The following CTNNA2 variants were observed in gnomAD, a reference collection of about 807,000 sequenced individuals.
CTNNA2 encodes catenin alpha 2.
A neutral mutation model predicts 101.0 loss-of-function variants in CTNNA2; 42 were observed. That is an observed-to-expected ratio of 0.42 (90% CI 0.32 to 0.54). The LOEUF (loss-of-function observed/expected upper bound fraction) is 0.54. CTNNA2 is among the 20% of genes least tolerant of loss of function. The probability of loss-of-function intolerance (pLI) is 0.14; values close to 1 mark genes in which losing one functional copy is unlikely to be tolerated. For missense variants in CTNNA2, 871 were observed against 1,223.1 expected (o/e 0.71, Z 4.29); for synonymous variants, 450 against 456.4 (o/e 0.99, Z 0.18).
At chr2:80,609,335 A>G (rs984066386) in intron 17 of CTNNA2, among the ~76,000 whole-genome samples, 1 of 151,768 alleles carries the variant, frequency 6.6e-6, no homozygotes, top group African/African-American at 2.4e-5. Context: ...TTTTGTTCCC[A>G]TATTGTTTGA....
chr2:80,409,105 G>T (rs1309911966), intron 8 of CTNNA2, among the ~76,000 whole-genome samples: 2 of 152,144 alleles, frequency 1.3e-5, no homozygotes, highest in Non-Finnish European at 2.9e-5. Context: ...AAGTTGACCT[G>T]CTTTTTGGTC....
intron 3 of CTNNA2, among the ~76,000 whole-genome samples, chr2:79,803,532 A>T (rs1010557970): frequency 1.2e-4 from 19 of 152,238 alleles, no homozygotes; most frequent in African/African-American, 4.6e-4. Context: ...CAGATCGCTT[A>T]TGCTGTTGTT....
In CTNNA2 at chr2:79,385,273, T is replaced by A. The variant is rs554401678; in HGVS notation, c.-135+11260T>A. ...AAAGAGATGCCAGAGGCATCCTGTTTGTTGGCCACTTTGCCACTCATTAAG... is the reference window on the plus strand; with the variant it reads ...AAAGAGATGCCAGAGGCATCCTGTTAGTTGGCCACTTTGCCACTCATTAAG... On this transcript the variant is annotated intron_variant, in intron 4 of 21. Coordinates refer to the CTNNA2 transcript ENST00000466387. Among the ~76,000 whole-genome samples, 12 of 152,288 alleles carry A rather than the reference T, an allele frequency of 7.9e-5. No homozygotes were observed. The East Asian group carries it at 2.1e-3, about 27-fold the overall frequency.
At chr2:79,757,996 C>A (rs1672511354) in intron 3 of CTNNA2, among the ~76,000 whole-genome samples, 1 of 152,156 alleles carries the variant, frequency 6.6e-6, no homozygotes, top group Non-Finnish European at 1.5e-5. Flanking sequence ...ACAGATTGGG[C>A]TCTTAAGCTT....
chr2:80,511,797 C>T (rs2149553111), intron 9 of CTNNA2, among the ~76,000 whole-genome samples: 1 of 152,218 alleles, frequency 6.6e-6, no homozygotes, highest in East Asian at 1.9e-4. Context: ...ATATCTGTAT[C>T]TTTTAGAAGT....
intron 8 of CTNNA2, among the ~76,000 whole-genome samples, chr2:80,396,505 G>T (rs1678025250): frequency 6.6e-6 from 1 of 152,240 alleles, no homozygotes; most frequent in African/African-American, 2.4e-5. Flanking sequence ...TGCCCCTTCT[G>T]GGTGCCTACT....
chr2:79,918,940 A>G (rs1454087285), intron 7 of CTNNA2, among the ~76,000 whole-genome samples: 1 of 152,198 alleles, frequency 6.6e-6, no homozygotes, highest in East Asian at 1.9e-4. Flanking sequence ...AATATTTCAA[A>G]GAAATTGAAG....
intron 7 of CTNNA2, among the ~76,000 whole-genome samples, chr2:80,040,292 T>A (rs927237520): frequency 6.6e-5 from 10 of 152,350 alleles, no homozygotes; most frequent in Middle Eastern, 3.4e-3. Flanking sequence ...GGTTTGTATT[T>A]TCCTGAAGTA....
chr2:79,799,133 G>A (rs1020501449), intron 3 of CTNNA2, among the ~76,000 whole-genome samples: 2 of 151,416 alleles, frequency 1.3e-5, no homozygotes, highest in African/African-American at 4.9e-5. Context: ...TAAAGTCGAT[G>A]TTTTGTATGT....
chr2:79,459,041 G>C (rs964921164), intron 4 of CTNNA2, among the ~76,000 whole-genome samples: 12 of 151,978 alleles, frequency 7.9e-5, no homozygotes, highest in Non-Finnish European at 1.3e-4. Context: ...TGCATTAACA[G>C]TACTAGTAAA....
At chr2:79,255,086 G>A (rs1049953574) in intron 2 of CTNNA2, among the ~76,000 whole-genome samples, 17 of 152,246 alleles carry the variant, frequency 1.1e-4, no homozygotes, top group Middle Eastern at 3.4e-3. Flanking sequence ...ATGTGTAACC[G>A]GTTTGGGAAA....
chr2:80,554,935 T>C (rs2149657662), intron 11 of CTNNA2, among the ~76,000 whole-genome samples: 1 of 152,270 alleles, frequency 6.6e-6, no homozygotes, highest in East Asian at 1.9e-4. Flanking sequence ...AAATAATGTG[T>C]TTTCTCTATG....
At chr2:80,324,945 C>CA (rs1679097800) in intron 7 of CTNNA2, among the ~76,000 whole-genome samples, 1 of 152,162 alleles carries the variant, frequency 6.6e-6, no homozygotes, top group Non-Finnish European at 1.5e-5. Context: ...AGATCATTAT[C>CA]ATAGCACCTG....
At chr2:79,297,040 C>G (rs1675995014) in intron 2 of CTNNA2, among the ~76,000 whole-genome samples, 1 of 152,000 alleles carries the variant, frequency 6.6e-6, no homozygotes, top group African/African-American at 2.4e-5. Context: ...CTGATTTGTC[C>G]CCATGTATCA....
At chr2:79,333,622 ATTTT>A (rs1241851330) in intron 3 of CTNNA2, among the ~76,000 whole-genome samples, 6 of 152,116 alleles carry the variant, frequency 3.9e-5, no homozygotes, top group African/African-American at 1.4e-4. Flanking sequence ...GACCCATAAT[ATTTT>A]TCCTAAATAT....
At chr2:80,528,211 T>G (rs1690205117) in intron 9 of CTNNA2, among the ~76,000 whole-genome samples, 1 of 152,168 alleles carries the variant, frequency 6.6e-6, no homozygotes, top group Non-Finnish European at 1.5e-5. Flanking sequence ...GTTCGTTTGT[T>G]TTGAGATGGA....
chr2:80,483,334 T>C (rs7601941), intron 9 of CTNNA2, among the ~76,000 whole-genome samples: 59,224 of 149,400 alleles, frequency 0.4, 13,446 homozygotes, highest in East Asian at 0.76. Flanking sequence ...TGATTTGCAG[T>C]CTCTTTTTGT....
rs17018620 is a variant in CTNNA2, at chr2:80,105,151, G to A, written c.1056+195354G>A. On this transcript the variant is annotated intron_variant, in intron 7 of 18. Transcript: ENST00000402739. The stretch of plus-strand genomic sequence containing the variant: ...AGTCAGTTCCTTACTATTCTCTGTG[G>A]AATTCTTTTCAGTAAAATACACCAA... Among the ~76,000 whole-genome samples, 540 of 152,234 alleles carry A rather than the reference G, an allele frequency of 3.5e-3. 2 individuals carry two copies. The highest frequency in any genetic ancestry group is 0.012 in the African/African-American group (487 of 41,546).
intron 2 of CTNNA2, among the ~76,000 whole-genome samples, chr2:79,278,607 A>G (rs1371074441): frequency 1.3e-5 from 2 of 152,108 alleles, no homozygotes; most frequent in Non-Finnish European, 2.9e-5. Flanking sequence ...ACTTGTTTGG[A>G]GACACAGTGA....
Sources: allele counts gnomAD v4.1 joint callset (sites outside exome capture counted in the v4.1 genomes callset), GRCh38; gene constraint gnomAD v4.1.1; transcripts MANE v1.5; gene names NCBI Gene and HGNC (gene_info 2026-07-23, HGNC 2026-07-21).